Variants in NCR1 observed in about 807,000 individuals in gnomAD.
The protein encoded by NCR1 is natural cytotoxicity triggering receptor 1, also known as NK cell-activating receptor.
NCR1 carries 30 observed loss-of-function variants against 32.5 expected under a neutral mutation model. The ratio of observed to expected loss-of-function variants is 0.92; its 90% confidence interval spans 0.69 to 1.25. The LOEUF (loss-of-function observed/expected upper bound fraction) is 1.25, where lower values mean the gene tolerates loss of function less well. NCR1 is among the 50% of genes most tolerant of loss of function. The pLI is 0.00. For synonymous variants in NCR1, 169 were observed against 143.4 expected, an observed-to-expected ratio of 1.18 and a Z score of -1.28; for missense variants, 369 against 380.7, an observed-to-expected ratio of 0.97 and a Z score of 0.26.
chr19:54,919,788 C>T (rs1211620905), downstream of NCR1, among the ~76,000 whole-genome samples: 1 of 146,944 alleles, frequency 6.8e-6, no homozygotes, highest in Non-Finnish European at 1.5e-5. Flanking sequence ...CTTTTGCTAC[C>T]GCTGGACCAT....
Position 54,913,015 on chromosome 19 carries a change from C to A in NCR1, c.*144C>A. On this transcript the variant is annotated 3_prime_UTR_variant, in exon 7 of 7. Coordinates refer to ENST00000291890, the MANE Select transcript of NCR1 (RefSeq NM_004829.7). ...CTGGCATTCCATTTGTCAGAGCATC[C>A]CGGACGATGCAGAGGGTGGGAGAAC... 1.4e-6 allele frequency: 1 copy of A among 718,324 alleles called. No individual in the cohort carries two copies. The highest frequency in any genetic ancestry group is 2.2e-6 in the Non-Finnish European group (1 of 451,328). 44.5% of individuals were successfully genotyped at this position (718,324 alleles called of 1,614,324 possible).
chr19:54,933,446 C>G, the NCR1 span: 1 of 1,284,702 alleles, frequency 7.8e-7, no homozygotes, highest in Admixed American at 2.0e-5. Context: ...CGCCTGGCCT[C>G]TGCCTGTTCT....
At chr19:54,923,634 C>A in the NCR1 span, 16 of 1,309,010 alleles carry the variant, frequency 1.2e-5, no homozygotes, top group African/African-American at 2.3e-4. Context: ...TCCTACCTCT[C>A]GACAGACTCT....
chr19:54,931,010 G>A, the NCR1 span, among the ~76,000 whole-genome samples: 584 of 152,124 alleles, frequency 3.8e-3, 4 homozygotes, highest in African/African-American at 0.013. Flanking sequence ...GCGACAGAGC[G>A]AGACTCCGTC....
the NCR1 span, among the ~76,000 whole-genome samples, chr19:54,925,917 G>A: frequency 4.0e-5 from 6 of 151,532 alleles, no homozygotes; most frequent in African/African-American, 9.7e-5. Context: ...GGAGAATGGC[G>A]TGAACCCGGG....
At chr19:54,933,581 A>G in the NCR1 span, 1 of 1,614,222 alleles carries the variant, frequency 6.2e-7, no homozygotes, top group Non-Finnish European at 8.5e-7. Flanking sequence ...CAAGGTCTGC[A>G]GTTTACAATC....
chr19:54,917,345 A>T (rs1339491033), downstream of NCR1, among the ~76,000 whole-genome samples: 1 of 151,216 alleles, frequency 6.6e-6, no homozygotes, highest in Non-Finnish European at 1.5e-5. Flanking sequence ...AAAAAACTAC[A>T]GTCTTGCTCT....
upstream of NCR1, among the ~76,000 whole-genome samples, chr19:54,904,467 C>T (rs922831084): frequency 2.0e-5 from 3 of 151,460 alleles, no homozygotes; most frequent in Admixed American, 1.3e-4. Flanking sequence ...CCTTGCTCCC[C>T]TCCTTACCCA....
At chr19:54,908,860 C>A (rs768418898) in intron 3 of NCR1, among the ~76,000 whole-genome samples, 3 of 152,082 alleles carry the variant, frequency 2.0e-5, no homozygotes, top group Non-Finnish European at 4.4e-5. Context: ...AAACTCCTGA[C>A]CCAGGAGGTC....
chr19:54,903,515 C>T (rs1311946765), upstream of NCR1, among the ~76,000 whole-genome samples: 2 of 122,390 alleles, frequency 1.6e-5, no homozygotes, highest in East Asian at 5.4e-4. Flanking sequence ...TACACGCATA[C>T]ATGTGTGTAT....
At chr19:54,915,611 C>T (rs1043434643), downstream of NCR1, 6 of 152,124 alleles carry the variant, frequency 3.9e-5, no homozygotes, top group African/African-American at 1.4e-4. Context: ...GAGATTGCAC[C>T]ACTGCACTCC....
At chr19:54,932,163 C>A in the NCR1 span, among the ~76,000 whole-genome samples, 26,115 of 152,044 alleles carry the variant, frequency 0.17, 2,874 homozygotes, top group South Asian at 0.25. Flanking sequence ...CACAGTGGCT[C>A]ATGCCTGGAA....
At chr19:54,908,570 G>A (rs942162786) in intron 3 of NCR1, among the ~76,000 whole-genome samples, 4 of 151,940 alleles carry the variant, frequency 2.6e-5, no homozygotes, top group African/African-American at 9.7e-5. Context: ...CGGCCGGGCA[G>A]AGGCGCCCCC....
downstream of NCR1, among the ~76,000 whole-genome samples, chr19:54,913,660 G>A (rs991124479): frequency 1.3e-4 from 20 of 152,060 alleles, no homozygotes; most frequent in Admixed American, 2.6e-4. Context: ...TGCCAGGCAC[G>A]GTGGCTCACA....
chr19:54,906,473 G>A, intron 2 of NCR1, 50 bp from the exon 3 acceptor site: 2 of 1,599,754 alleles, frequency 1.3e-6, no homozygotes, highest in Non-Finnish European at 1.7e-6. Flanking sequence ...GGAGCCTAAG[G>A]TTGGGGGGAG....
the NCR1 span, among the ~76,000 whole-genome samples, chr19:54,932,654 T>C: frequency 2.0e-5 from 3 of 151,072 alleles, no homozygotes; most frequent in Non-Finnish European, 4.4e-5. Flanking sequence ...TTTTGTTGAG[T>C]TTTTTTTTGT....
upstream of NCR1, among the ~76,000 whole-genome samples, chr19:54,903,592 A>G (rs1348273540): frequency 1.3e-5 from 2 of 149,066 alleles, no homozygotes; most frequent in African/African-American, 4.9e-5. Flanking sequence ...ATATACATGT[A>G]TGTGTATATA....
At chr19:54,923,506 A>T in the NCR1 span, 1 of 585,548 alleles carries the variant, frequency 1.7e-6, no homozygotes, top group South Asian at 2.0e-5. Flanking sequence ...CAATAAACGC[A>T]GCTGCAACGA....
At chr19:54,899,364 G>A in the NCR1 span, among the ~76,000 whole-genome samples, 38 of 152,154 alleles carry the variant, frequency 2.5e-4, no homozygotes, top group African/African-American at 8.9e-4. Flanking sequence ...GGAGAAGAAG[G>A]AGGAATGGAG....
Sources: gnomAD v4.1 joint callset for allele counts (sites outside exome capture counted in the v4.1 genomes callset) on GRCh38, gnomAD v4.1.1 for gene constraint, MANE v1.5 for transcripts, NCBI Gene and HGNC (gene_info 2026-07-23, HGNC 2026-07-21) for gene names.